Variants in WASL observed in about 807,000 individuals in gnomAD.
The protein encoded by WASL is WASP like actin nucleation promoting factor, also known as actin nucleation-promoting factor WASL.
A neutral mutation model predicts 55.5 loss-of-function variants in WASL; 20 were observed. The ratio of observed to expected loss-of-function variants is 0.36; its 90% CI spans 0.25 to 0.52. The LOEUF (loss-of-function observed/expected upper bound fraction) is 0.52, where lower values mean the gene tolerates loss of function less well. Among genes scored for constraint, WASL ranks in the 20% least tolerant of loss-of-function variants. The probability of loss-of-function intolerance (pLI) is 0.92; values close to 1 mark genes in which losing one functional copy is unlikely to be tolerated. For missense variants in WASL, 504 were observed against 622.5 expected (o/e 0.81, Z 2.03); for synonymous variants, 249 against 217.6 (o/e 1.14, Z -1.27).
intron 5 of WASL, among the ~76,000 whole-genome samples, chr7:123,697,432 T>A (rs1445747314): frequency 1.3e-5 from 2 of 152,202 alleles, no homozygotes; most frequent in Non-Finnish European, 2.9e-5. Flanking sequence ...GTACTAAATG[T>A]AGCAGAAAAC....
chr7:123,716,331 T>A (rs1803840931), intron 1 of WASL, among the ~76,000 whole-genome samples: 1 of 152,126 alleles, frequency 6.6e-6, no homozygotes, highest in Admixed American at 6.6e-5. Context: ...TTCTCCCACC[T>A]CAGCCTCCCA....
chr7:123,689,969 G>T (rs969676863), intron 9 of WASL, among the ~76,000 whole-genome samples: 1 of 151,736 alleles, frequency 6.6e-6, no homozygotes, highest in African/African-American at 2.4e-5. Flanking sequence ...GTTCTTTCTG[G>T]AGTAAACACC....
chr7:123,684,739 A>G lies in WASL; in HGVS notation c.1457-159T>C, dbSNP rs924057734. Among the ~76,000 whole-genome samples, 5 of 151,998 alleles carry G rather than the reference A, an allele frequency of 3.3e-5. No homozygotes were observed. In the East Asian group the frequency reaches 5.8e-4, roughly 18 times the overall value. On this transcript the variant is annotated intron_variant, in intron 10 of 10. Transcript: ENST00000223023. The stretch of plus-strand genomic sequence containing the variant: ...CAGTTTAAAGTGAATCTAAAGAAAT[A>G]TATCTATAGAGTATGATAGTAAACT...
At chr7:123,710,473 G>A (rs1383892469) in intron 1 of WASL, among the ~76,000 whole-genome samples, 1 of 151,836 alleles carries the variant, frequency 6.6e-6, no homozygotes, top group Non-Finnish European at 1.5e-5. Flanking sequence ...ATGCCTGAGG[G>A]GTGCCCTTTT....
intron 8 of WASL, among the ~76,000 whole-genome samples, chr7:123,693,845 A>C (rs1447164479): frequency 1.3e-5 from 2 of 152,204 alleles, no homozygotes; most frequent in Admixed American, 1.3e-4. Flanking sequence ...GCATGCCTGT[A>C]ATCTCAGCTA....
Position 123,689,140 on chromosome 7 carries a change from C to T in WASL, c.1358G>A (p.Gly453Asp), listed in dbSNP as rs559088429. 1 of 1,612,126 alleles carries T rather than the reference C, an allele frequency of 6.2e-7. No homozygotes were observed. Residue 453 changes from glycine to aspartate, a missense_variant, in exon 10 of 11, where the codon GGC (glycine) becomes GAC (aspartate). Coordinates refer to ENST00000223023, the MANE Select transcript of WASL (RefSeq NM_003941.4). ...AGGTGTTGGTGGTGTAGACTCTTGGCCATCAGCCACCTTGGAAAAGAAAGT... is the reference window on the plus strand; with the variant it reads ...AGGTGTTGGTGGTGTAGACTCTTGGTCATCAGCCACCTTGGAAAAGAAAGT... ...QGIQLKSVAD[G>D]QESTPPTPAP...
In WASL at chr7:123,684,601, T is replaced by C. The variant is rs370450190; in HGVS notation, c.1457-21A>G. On this transcript the variant is annotated intron_variant, in intron 10 of 10. Transcript: ENST00000223023. ...TTCATCTACAAGAAAATCAAGACAATTAAAACATATGCATAAATAAAATGA... is the reference window on the plus strand; with the variant it reads ...TTCATCTACAAGAAAATCAAGACAACTAAAACATATGCATAAATAAAATGA... 1.7e-5 allele frequency: 26 copies of C among 1,496,276 alleles called. No homozygotes were observed. In the South Asian group the frequency reaches 2.3e-4, roughly 13 times the overall value. 92.7% of individuals were successfully genotyped at this position (1,496,276 alleles called of 1,614,324 possible).
At chr7:123,696,449 A>T in intron 6 of WASL, 130 bp downstream of exon 6, 1 of 822,044 alleles carries the variant, frequency 1.2e-6, no homozygotes, top group Non-Finnish European at 1.7e-6. Context: ...TACATAGTTA[A>T]AACGGTATCC....
rs985534287 is a variant in WASL at position 123,682,872 on chromosome 7, T to G, written c.*1647A>C. 1.3e-5 allele frequency: 2 copies of G among 152,110 alleles called. No individual in the cohort carries two copies. The highest frequency in any genetic ancestry group is 2.9e-5 in the Non-Finnish European group (2 of 68,002). 9.4% of individuals were successfully genotyped at this position (152,110 alleles called of 1,614,324 possible). A position where few individuals can be genotyped will look rare whatever the true frequency, so the allele number is the denominator to read the frequency against. On this transcript the variant is annotated 3_prime_UTR_variant, in exon 11 of 11. Transcript: ENST00000223023. ...AACAAAAAGTCTAGAATCTTTCCCA[T>G]GTGCTTAAATTACTCTTGCAAGAAA...
At chr7:123,741,107 T>C (rs2116826997) in intron 1 of WASL, among the ~76,000 whole-genome samples, 1 of 152,272 alleles carries the variant, frequency 6.6e-6, no homozygotes, top group South Asian at 2.1e-4. Context: ...CACCCTGCGA[T>C]GGGATGATGT....
At chr7:123,748,278 G>A (rs1804473928) in intron 1 of WASL, among the ~76,000 whole-genome samples, 1 of 152,152 alleles carries the variant, frequency 6.6e-6, no homozygotes, top group Non-Finnish European at 1.5e-5. Context: ...CCAGATTCTA[G>A]GACCAAGCGG....
chr7:123,701,899 G>T (rs1803596648), intron 5 of WASL, among the ~76,000 whole-genome samples: 1 of 150,732 alleles, frequency 6.6e-6, no homozygotes. Flanking sequence ...AAGTATACAA[G>T]TATTGGCAAT....
chr7:123,704,396 T>C (rs956213234), intron 5 of WASL, among the ~76,000 whole-genome samples: 21 of 152,108 alleles, frequency 1.4e-4, no homozygotes, highest in Admixed American at 9.2e-4. Flanking sequence ...GTTAGAAAAA[T>C]ATCAAAGAAT....
chr7:123,709,566 A>G (rs1156983493), intron 1 of WASL, among the ~76,000 whole-genome samples: 1 of 152,158 alleles, frequency 6.6e-6, no homozygotes, highest in Non-Finnish European at 1.5e-5. Context: ...ACCCGACACT[A>G]AAGGGGTTAA....
rs11413491 is a variant in WASL, at chr7:123,701,945, T to TAA, written c.460+2687_460+2688dup. On this transcript the variant is annotated intron_variant, in intron 5 of 10. Coordinates refer to ENST00000223023, the MANE Select transcript of WASL (RefSeq NM_003941.4). ...TAATTTTGTCCTTTAACAACACTAT[T>TAA]AAAAAAAAAACCCTCCATTTATTTA... is the stretch of plus-strand genomic sequence containing the variant. 1.5e-3 allele frequency among the ~76,000 whole-genome samples: 222 copies of TAA among 148,712 alleles called. 5 individuals are homozygous for TAA. In the East Asian group the frequency reaches 0.03, roughly 20 times the overall value.
At position 123,706,270 on chromosome 7, in the gene WASL, G is replaced by A. The variant is rs1223495077; in HGVS notation, c.436+7C>T. 3 of 1,612,448 alleles carry A rather than the reference G, an allele frequency of 1.9e-6. No individual in the cohort carries two copies. Among genetic ancestry groups the A allele is most frequent in the Non-Finnish European group, 2.5e-6 (3 of 1,179,246 alleles). Reference sequence around the variant, plus strand: ...TGGCCTGATTTAAGTAATTAAAAAAGGGTTACCAGATTTCCTTTGTCGACG... The same window carrying A: ...TGGCCTGATTTAAGTAATTAAAAAAAGGTTACCAGATTTCCTTTGTCGACG... On this transcript the variant is annotated splice_region_variant and intron_variant, in intron 4 of 10. Transcript: ENST00000223023.
intron 4 of WASL, 138 bp downstream of exon 4, chr7:123,706,139 T>G (rs73224180): frequency 1.0e-5 from 8 of 780,608 alleles, no homozygotes; most frequent in Non-Finnish European, 1.6e-5. Context: ...TGACAAAAAA[T>G]AGCCAAAGAC....
At chr7:123,731,538 G>C (rs1562965285) in intron 1 of WASL, among the ~76,000 whole-genome samples, 1 of 152,042 alleles carries the variant, frequency 6.6e-6, no homozygotes, top group African/African-American at 2.4e-5. Context: ...CGATCACCAA[G>C]AGAGACCACA....
chr7:123,744,215 T>C (rs1804392942), intron 1 of WASL, among the ~76,000 whole-genome samples: 2 of 152,158 alleles, frequency 1.3e-5, no homozygotes. Flanking sequence ...CCTATATTAG[T>C]TCAGCAGCAC....
Sources: gnomAD v4.1 joint callset for allele counts (sites outside exome capture counted in the v4.1 genomes callset) on GRCh38, gnomAD v4.1.1 for gene constraint, MANE v1.5 for transcripts, NCBI Gene and HGNC (gene_info 2026-07-23, HGNC 2026-07-21) for gene names.